The following AOX1 variants were observed in gnomAD, a reference collection of about 807,000 sequenced individuals.
AOX1 encodes aldehyde oxidase 1.
Under a neutral mutation model 169.5 loss-of-function variants are expected in AOX1, and 153 were observed. That is an observed-to-expected ratio of 0.90 (90% CI 0.79 to 1.03). AOX1 has a LOEUF of 1.03. Ranked by LOEUF, AOX1 falls within the 50% of genes least tolerant of loss-of-function variation. AOX1 has a pLI of 0.00. For synonymous variants in AOX1, 562 were observed against 581.9 expected, an observed-to-expected ratio of 0.97 and a Z score of 0.49; for missense variants, 1,656 against 1,663.9, an observed-to-expected ratio of 1.00 and a Z score of 0.08.
At chr2:200,653,686 G>C (rs983429757) in intron 26 of AOX1, among the ~76,000 whole-genome samples, 1 of 152,192 alleles carries the variant, frequency 6.6e-6, no homozygotes, top group Non-Finnish European at 1.5e-5. Context: ...GGCATACCTT[G>C]TTTTACTGCA....
chr2:200,657,129 G>A (rs1297474488), intron 27 of AOX1, among the ~76,000 whole-genome samples, 192 bp downstream of exon 27: 8 of 138,336 alleles, frequency 5.8e-5, no homozygotes, highest in African/African-American at 1.6e-4. Flanking sequence ...TTCGAGACCA[G>A]CCCAGGGAAC....
chr2:200,661,674 G>A, intron 30 of AOX1, 43 bp downstream of exon 30: 1 of 1,480,514 alleles, frequency 6.8e-7, no homozygotes, highest in Non-Finnish European at 9.4e-7. Context: ...AAGAACAGTG[G>A]TATCTTGAGG....
At chr2:200,665,276 C>G (rs1376719716) in intron 31 of AOX1, among the ~76,000 whole-genome samples, 1 of 152,186 alleles carries the variant, frequency 6.6e-6, no homozygotes, top group Non-Finnish European at 1.5e-5. Context: ...ACAGGCTGGC[C>G]TGGTAGAGTA....
intron 20 of AOX1, among the ~76,000 whole-genome samples, chr2:200,632,690 G>A (rs1000190918): frequency 3.3e-5 from 5 of 151,438 alleles, no homozygotes; most frequent in African/African-American, 4.8e-5. Context: ...TTATTTCAGG[G>A]TAAATCCGTT....
chr2:200,600,632 C>T (rs946171513), intron 5 of AOX1, among the ~76,000 whole-genome samples: 1 of 152,098 alleles, frequency 6.6e-6, no homozygotes, highest in African/African-American at 2.4e-5. Context: ...GAGCCTAAAG[C>T]TCATATGTAC....
At chr2:200,669,536 A>G (rs370898629) in intron 33 of AOX1, 39 bp from the exon 34 acceptor site, 3 of 1,604,950 alleles carry the variant, frequency 1.9e-6, no homozygotes, top group Non-Finnish European at 2.6e-6. Context: ...ACAGAGTGAG[A>G]GAGAGAGGTA....
In AOX1 at chr2:200,642,765, G is replaced by C; in HGVS notation, c.2811G>C (p.Thr937=). ...QAALITESCI[T]EVAAKCGLSP... ...CGCTGATCACCGAATCTTGTATCAC[G>C]GAAGTTGCAGCCAAATGTGGACTAT... The change falls in exon 25 of 35, where the codon ACG becomes ACC. Residue 937 remains threonine (T), a synonymous_variant. Coordinates refer to ENST00000374700, the MANE Select transcript of AOX1 (RefSeq NM_001159.4). The C allele has an allele frequency of 6.2e-7, 1 of 1,613,746 alleles. No homozygotes were observed. The highest frequency in any genetic ancestry group is 1.1e-5 in the South Asian group (1 of 90,982).
At chr2:200,600,477 G>A (rs1229856651) in intron 5 of AOX1, among the ~76,000 whole-genome samples, 2 of 47,052 alleles carry the variant, frequency 4.3e-5, no homozygotes, top group East Asian at 2.7e-3. Flanking sequence ...GTATGTGGCG[G>A]GGGGGGACAT....
chr2:200,663,560 A>G, intron 31 of AOX1, among the ~76,000 whole-genome samples: 1 of 129,494 alleles, frequency 7.7e-6, no homozygotes, highest in South Asian at 2.4e-4. Flanking sequence ...ACACACACAC[A>G]CACACACACA....
At position 200,586,046 on chromosome 2, in the gene AOX1, G is replaced by C; in HGVS notation, c.-63G>C. 1 of 1,538,856 alleles carries C rather than the reference G, an allele frequency of 6.5e-7. No individual in the cohort carries two copies. Among genetic ancestry groups the C allele is most frequent in the South Asian group, 1.2e-5 (1 of 83,750 alleles). ...GGGTCGGTGCCGCCGGGTCCCAGGT[G>C]CCCGCTACTTCCCAGAACCTCCGCC... is the stretch of plus-strand genomic sequence containing the variant. On this transcript the variant is annotated 5_prime_UTR_variant, in exon 1 of 35. Transcript: ENST00000374700.
chr2:200,660,029 C>A lies in AOX1; in HGVS notation c.3335C>A (p.Pro1112His). 1 of 1,613,860 alleles carries A rather than the reference C, an allele frequency of 6.2e-7. No homozygotes were observed. The highest frequency in any genetic ancestry group is 8.5e-7 in the Non-Finnish European group (1 of 1,179,862). Residue 1112 changes from proline to histidine, a missense_variant, in exon 29 of 35, where the codon CCC becomes CAC. By Grantham distance (77) the Pro-to-His change is moderately conservative (BLOSUM62 -2). Transcript: ENST00000374700. The stretch of plus-strand genomic sequence containing the variant: ...CAAACTCTTCTAAAACGCCTCGAAC[C>A]CATCATCAGCAAGAATCCTAAAGGA... ...ACQTLLKRLEPIISKNPKGTW... is the reference protein window; with the variant it reads ...ACQTLLKRLEHIISKNPKGTW...
chr2:200,630,434 A>G (rs1156385201), intron 20 of AOX1, among the ~76,000 whole-genome samples: 1 of 151,862 alleles, frequency 6.6e-6, no homozygotes, highest in Non-Finnish European at 1.5e-5. Flanking sequence ...GAGGCACCAG[A>G]ATGGCTTGAA....
At chr2:200,649,251 T>C (rs977207941) in intron 25 of AOX1, among the ~76,000 whole-genome samples, 2 of 148,666 alleles carry the variant, frequency 1.3e-5, no homozygotes, top group South Asian at 4.5e-4. Context: ...CCTGGCCTGC[T>C]AGGGGACACA....
intron 13 of AOX1, 85 bp from the exon 14 acceptor site, chr2:200,612,524 T>C: frequency 7.3e-7 from 1 of 1,363,686 alleles, no homozygotes; most frequent in African/African-American, 1.4e-5. Flanking sequence ...GCCCGGTGTG[T>C]AGGTGATACT....
intron 34 of AOX1, among the ~76,000 whole-genome samples, chr2:200,670,147 C>T (rs762214069): frequency 6.6e-6 from 1 of 152,096 alleles, no homozygotes; most frequent in Admixed American, 6.5e-5. Context: ...AACGGGCACC[C>T]GGAAAGTATG....
At chr2:200,679,278 C>G (rs2036133900), downstream of AOX1, 1 of 152,126 alleles carries the variant, frequency 6.6e-6, no homozygotes, top group Non-Finnish European at 1.5e-5. Flanking sequence ...TGTCACTGTG[C>G]CAATTCTTTT....
chr2:200,650,705 TA>T (rs1191132454), intron 25 of AOX1, among the ~76,000 whole-genome samples: 1 of 152,196 alleles, frequency 6.6e-6, no homozygotes, highest in African/African-American at 2.4e-5. Context: ...TGTGTTGAGT[TA>T]TATTGGAACA....
At chr2:200,667,587 G>A (rs1188744980) in intron 32 of AOX1, among the ~76,000 whole-genome samples, 2 of 152,048 alleles carry the variant, frequency 1.3e-5, no homozygotes, top group Non-Finnish European at 2.9e-5. Context: ...ACGACATTAG[G>A]GGTGAAAGAA....
At chr2:200,658,155 G>T (rs558211715) in intron 27 of AOX1, among the ~76,000 whole-genome samples, 1 of 152,172 alleles carries the variant, frequency 6.6e-6, no homozygotes, top group South Asian at 2.1e-4. Context: ...AGAATTACTG[G>T]GTCACAGGTG....
Sources: gnomAD v4.1 joint callset for allele counts (sites outside exome capture counted in the v4.1 genomes callset) on GRCh38, gnomAD v4.1.1 for gene constraint, MANE v1.5 for transcripts, NCBI Gene and HGNC (gene_info 2026-07-23, HGNC 2026-07-21) for gene names.